SORCS1: variants seen among roughly 807,000 people sequenced by gnomAD.
SORCS1 encodes the protein sortilin related VPS10 domain containing receptor 1.
Under a neutral mutation model 146.1 loss-of-function variants are expected in SORCS1, and 60 were observed. That is an observed-to-expected ratio of 0.41 (90% CI 0.33 to 0.51). The LOEUF is 0.51. Ranked by LOEUF, SORCS1 falls within the 20% of genes least tolerant of loss-of-function variation. SORCS1 has a pLI of 0.21. For missense variants in SORCS1, 1,352 were observed against 1,487.6 expected (o/e 0.91, Z 1.50); for synonymous variants, 637 against 584.0 (o/e 1.09, Z -1.31).
intron 10 of SORCS1, among the ~76,000 whole-genome samples, chr10:106,680,327 C>T (rs1852342059): frequency 6.6e-6 from 1 of 152,134 alleles, no homozygotes; most frequent in Admixed American, 6.5e-5. Flanking sequence ...GATATGAAGC[C>T]AGGAGAGAAG....
At chr10:106,739,929 C>T (rs139653926) in intron 5 of SORCS1, among the ~76,000 whole-genome samples, 2,819 of 143,054 alleles carry the variant, frequency 0.02, 40 homozygotes, top group Non-Finnish European at 0.026. Context: ...CCAGCCTGGG[C>T]GACAGAGTGA....
chr10:106,593,266 A>T (rs1417273123), intron 24 of SORCS1, among the ~76,000 whole-genome samples: 1 of 151,810 alleles, frequency 6.6e-6, no homozygotes, highest in Non-Finnish European at 1.5e-5. Flanking sequence ...CTACCACCCT[A>T]TTCAAATATT....
chr10:107,065,629 C>T (rs905860770), intron 1 of SORCS1, among the ~76,000 whole-genome samples: 1 of 151,428 alleles, frequency 6.6e-6, no homozygotes, highest in South Asian at 2.1e-4. Context: ...GCGATCCTCC[C>T]ACCTCAGCTC....
chr10:106,858,280 G>C (rs1949868442), intron 2 of SORCS1, among the ~76,000 whole-genome samples: 1 of 151,946 alleles, frequency 6.6e-6, no homozygotes, highest in African/African-American at 2.4e-5. Context: ...TCTTTATTCT[G>C]TGTTCTTGAT....
In SORCS1 at chr10:106,829,630, CT is replaced by C. The variant is rs1564707430; in HGVS notation, c.669del (p.Val224LeufsTer3). The C allele has an allele frequency of 6.2e-7, 1 of 1,608,082 alleles. No homozygotes were observed. Among genetic ancestry groups the C allele is most frequent in the African/African-American group, 1.3e-5 (1 of 74,988 alleles). On this transcript the variant is annotated frameshift_variant, in exon 3 of 26. Coordinates refer to ENST00000263054, the MANE Select transcript of SORCS1 (RefSeq NM_052918.5). LOFTEE classifies it high-confidence loss of function. The stretch of plus-strand genomic sequence containing the variant: ...TAGCTCAAAATGGTTTTCAAACCAA[CT>C]TTATCATTCAGCTTCTCATAGGTTG... Reference protein sequence around the residue: ...YGTTYEKLNDKVGLKTILSYL... With the variant: ...YGTTYEKLNDXVGLKTILSYL...
At chr10:106,594,801 T>G (rs374943766) in intron 24 of SORCS1, among the ~76,000 whole-genome samples, 1 of 152,332 alleles carries the variant, frequency 6.6e-6, no homozygotes. Flanking sequence ...AAACCCAGAC[T>G]TCAGTATGGA....
At chr10:106,923,090 G>A (rs991642790) in intron 2 of SORCS1, among the ~76,000 whole-genome samples, 1 of 151,942 alleles carries the variant, frequency 6.6e-6, no homozygotes, top group Non-Finnish European at 1.5e-5. Context: ...GGGGTTTCAC[G>A]ATGTTGGCCA....
intron 10 of SORCS1, among the ~76,000 whole-genome samples, chr10:106,683,641 C>CT (rs1852604507): frequency 6.6e-6 from 1 of 152,202 alleles, no homozygotes. Flanking sequence ...TTCTCCTCAG[C>CT]CTCTGTATCA....
At chr10:106,671,102 A>T in intron 16 of SORCS1, 135 bp downstream of exon 16, 1 of 1,169,670 alleles carries the variant, frequency 8.5e-7, no homozygotes, top group African/African-American at 1.5e-5. Flanking sequence ...GTAAACTATG[A>T]GGTAATTTTA....
At chr10:106,956,467 C>G (rs989225236) in intron 2 of SORCS1, 46 bp downstream of exon 2, 2 of 1,571,498 alleles carry the variant, frequency 1.3e-6, no homozygotes, top group African/African-American at 2.7e-5. Flanking sequence ...TAGCAGGCAT[C>G]ATGCTTAAAT....
At chr10:106,935,521 A>G (rs1953670126) in intron 2 of SORCS1, among the ~76,000 whole-genome samples, 1 of 152,226 alleles carries the variant, frequency 6.6e-6, no homozygotes, top group Non-Finnish European at 1.5e-5. Flanking sequence ...AAATTCCTAG[A>G]AGAAATAGGA....
At chr10:106,851,588 A>C (rs2137287401) in intron 2 of SORCS1, among the ~76,000 whole-genome samples, 1 of 152,304 alleles carries the variant, frequency 6.6e-6, no homozygotes. Flanking sequence ...ACAATAACAA[A>C]CTGTCCTGAT....
At chr10:106,796,065 A>T (rs914222244) in intron 3 of SORCS1, among the ~76,000 whole-genome samples, 7 of 152,222 alleles carry the variant, frequency 4.6e-5, no homozygotes, top group Non-Finnish European at 1.0e-4. Context: ...AATTGATATT[A>T]CATTTTCCAA....
chr10:106,628,514 CAT>C (rs1401682603), intron 19 of SORCS1, among the ~76,000 whole-genome samples: 4 of 152,232 alleles, frequency 2.6e-5, no homozygotes, highest in Non-Finnish European at 5.9e-5. Context: ...GTTAATGACA[CAT>C]GTTTTAAGCA....
At chr10:106,850,407 A>G (rs965189325) in intron 2 of SORCS1, among the ~76,000 whole-genome samples, 9 of 152,052 alleles carry the variant, frequency 5.9e-5, no homozygotes, top group African/African-American at 1.2e-4. Context: ...GACCCCTTGC[A>G]CTTCCCAGGT....
In SORCS1 at chr10:106,629,194, T is replaced by C. The variant is rs964835987; in HGVS notation, c.2662+8A>G. 2.5e-6 allele frequency: 4 copies of C among 1,608,052 alleles called. No individual in the cohort carries two copies. The Admixed American group carries it at 5.0e-5, about 20-fold the overall frequency. On this transcript the variant is annotated splice_region_variant and intron_variant, in intron 19 of 25. Coordinates refer to ENST00000263054, the MANE Select transcript of SORCS1 (RefSeq NM_052918.5). ...ATAGGTCATAAACCAACAACAGTAA[T>C]AACATACAAGTTACATGTAAGTACA...
chr10:106,804,730 A>C (rs1364634728), intron 3 of SORCS1, among the ~76,000 whole-genome samples: 2 of 152,212 alleles, frequency 1.3e-5, no homozygotes, highest in African/African-American at 4.8e-5. Flanking sequence ...TGGTGCACTC[A>C]CAAGTGATAG....
At chr10:107,040,617 C>A (rs889282922) in intron 1 of SORCS1, among the ~76,000 whole-genome samples, 1 of 152,132 alleles carries the variant, frequency 6.6e-6, no homozygotes, top group African/African-American at 2.4e-5. Flanking sequence ...ACTCTCTAAG[C>A]CTCAATGTCC....
chr10:106,888,119 T>G (rs58286553), intron 2 of SORCS1, among the ~76,000 whole-genome samples: 13 of 152,190 alleles, frequency 8.5e-5, no homozygotes, highest in African/African-American at 2.4e-4. Context: ...GAACGTTCTT[T>G]GGGTTTTTAT....
Sources: allele counts gnomAD v4.1 joint callset (sites outside exome capture counted in the v4.1 genomes callset), GRCh38; gene constraint gnomAD v4.1.1; transcripts MANE v1.5; gene names NCBI Gene and HGNC (gene_info 2026-07-23, HGNC 2026-07-21).